Variants in PDE4D observed in about 807,000 individuals in gnomAD.
The protein encoded by PDE4D is 3',5'-cyclic-AMP phosphodiesterase 4D.
Under a neutral mutation model 87.4 loss-of-function variants are expected in PDE4D, and 24 were observed. The ratio of observed to expected loss-of-function variants is 0.27; its 90% CI spans 0.20 to 0.39. The LOEUF is 0.39. PDE4D is among the 10% of genes least tolerant of loss of function. The pLI, the probability that PDE4D is intolerant of heterozygous loss-of-function variation, is 1.00. For missense variants in PDE4D, 714 were observed against 1,041.0 expected (o/e 0.69, Z 4.32); for synonymous variants, 384 against 383.2 (o/e 1.00, Z -0.02).
intron 1 of PDE4D, among the ~76,000 whole-genome samples, chr5:59,423,813 A>AC (rs900649598): frequency 7.6e-5 from 10 of 132,144 alleles, no homozygotes; most frequent in African/African-American, 2.6e-4. Context: ...TGGGAATGTA[A>AC]CCTTTTTTTT....
At chr5:59,422,494 T>G (rs1242147629) in intron 1 of PDE4D, among the ~76,000 whole-genome samples, 1 of 152,200 alleles carries the variant, frequency 6.6e-6, no homozygotes, top group Admixed American at 6.5e-5. Context: ...CGCCACTTCA[T>G]TTATCATAGT....
At chr5:59,663,255 C>G (rs578066981) in intron 1 of PDE4D, among the ~76,000 whole-genome samples, 1 of 152,142 alleles carries the variant, frequency 6.6e-6, no homozygotes, top group African/African-American at 2.4e-5. Context: ...ACCTCTGCCT[C>G]CTGGGTTCAT....
At chr5:60,017,143 T>C (rs1765601640) in intron 2 of PDE4D, among the ~76,000 whole-genome samples, 1 of 152,224 alleles carries the variant, frequency 6.6e-6, no homozygotes, top group Non-Finnish European at 1.5e-5. Context: ...TGAGCAGTAA[T>C]ATTTTGAAAT....
rs1449480982 is a variant in PDE4D, at chr5:59,053,659, TTG to T, written c.809-14690_809-14689del. Among the ~76,000 whole-genome samples, 4 of 65,114 alleles carry T rather than the reference TTG, an allele frequency of 6.1e-5. 1 individual carries two copies. The East Asian group carries it at 1.2e-3, about 20-fold the overall frequency. 42.7% of individuals were successfully genotyped at this position (65,114 alleles called of 152,430 possible). A position where few individuals can be genotyped will look rare whatever the true frequency, so the allele number is the denominator to read the frequency against. On this transcript the variant is annotated intron_variant, in intron 5 of 14. Coordinates refer to ENST00000340635, the MANE Select transcript of PDE4D (RefSeq NM_001104631.2). ...TTTTGTTTTTTGTTTTTTTTTGTTGTTGTTTTTTTTTTTTGGCCAGGCACGGT... is the reference window on the plus strand; with the variant it reads ...TTTTGTTTTTTGTTTTTTTTTGTTGTTTTTTTTTTTTTGGCCAGGCACGGT...
intron 2 of PDE4D, among the ~76,000 whole-genome samples, chr5:60,013,056 G>A (rs565085507): frequency 9.9e-5 from 15 of 152,258 alleles, no homozygotes; most frequent in Admixed American, 9.2e-4. Flanking sequence ...TCTTGCCTGT[G>A]TCCCTGATTT....
At chr5:59,015,004 C>G (rs1223732269) in intron 6 of PDE4D, among the ~76,000 whole-genome samples, 1 of 152,040 alleles carries the variant, frequency 6.6e-6, no homozygotes, top group Non-Finnish European at 1.5e-5. Flanking sequence ...ACAAACCTGA[C>G]AAAAACAAGA....
chr5:59,492,843 T>C (rs374345022), intron 1 of PDE4D, among the ~76,000 whole-genome samples: 9 of 152,284 alleles, frequency 5.9e-5, no homozygotes, highest in African/African-American at 2.2e-4. Flanking sequence ...TCACAAGATC[T>C]GATGGTTTTA....
chr5:59,275,539 T>C (rs1405338789), intron 1 of PDE4D: 2 of 1,453,876 alleles, frequency 1.4e-6, no homozygotes, highest in East Asian at 5.0e-5. Context: ...TTTCCTGGAG[T>C]CCATCTCCTG....
chr5:59,446,065 A>C (rs1289522334), intron 1 of PDE4D, among the ~76,000 whole-genome samples: 1 of 152,182 alleles, frequency 6.6e-6, no homozygotes, highest in Non-Finnish European at 1.5e-5. Context: ...ATTGTTTAAG[A>C]AAGCGTAATG....
intron 1 of PDE4D, among the ~76,000 whole-genome samples, chr5:60,253,424 C>A (rs1748695141): frequency 6.6e-6 from 1 of 151,840 alleles, no homozygotes; most frequent in Admixed American, 6.6e-5. Flanking sequence ...TGTTTTCCTA[C>A]AGAACAGGCC....
chr5:59,969,948 CAT>C (rs1325299401), intron 3 of PDE4D, among the ~76,000 whole-genome samples: 1 of 152,182 alleles, frequency 6.6e-6, no homozygotes, highest in Admixed American at 6.5e-5. Flanking sequence ...GTACTTCACA[CAT>C]GTATGCACAC....
rs140569430 is a variant in PDE4D, at chr5:59,192,074, C to A, written c.684+1426G>T. 2.3e-3 allele frequency among the ~76,000 whole-genome samples: 348 copies of A among 152,044 alleles called. 1 individual carries two copies. Among genetic ancestry groups the A allele is most frequent in the African/African-American group, 8.0e-3 (330 of 41,478 alleles). On this transcript the variant is annotated intron_variant, in intron 3 of 14. Transcript: ENST00000340635. ...GGTGATTGTATTTTATTTTTAATTGCCTGCATTAATTTAAAAAGTTACTAT... is the reference window on the plus strand; with the variant it reads ...GGTGATTGTATTTTATTTTTAATTGACTGCATTAATTTAAAAAGTTACTAT...
At chr5:59,199,931 CATAT>C (rs1014854532) in intron 2 of PDE4D, among the ~76,000 whole-genome samples, 3 of 151,552 alleles carry the variant, frequency 2.0e-5, no homozygotes, top group East Asian at 3.9e-4. Flanking sequence ...CACACAGGCA[CATAT>C]ATACATATAT....
At chr5:59,935,962 G>A (rs1756523484) in intron 3 of PDE4D, among the ~76,000 whole-genome samples, 1 of 152,116 alleles carries the variant, frequency 6.6e-6, no homozygotes, top group African/African-American at 2.4e-5. Context: ...AATCCTTTGG[G>A]TATATACCCA....
intron 1 of PDE4D, among the ~76,000 whole-genome samples, chr5:60,408,228 T>C (rs1741741194): frequency 6.6e-6 from 1 of 152,206 alleles, no homozygotes; most frequent in Non-Finnish European, 1.5e-5. Flanking sequence ...TGTAGCTTCC[T>C]GCGTGAGCAT....
chr5:60,308,869 C>T (rs1200180350), intron 1 of PDE4D, among the ~76,000 whole-genome samples: 1 of 152,100 alleles, frequency 6.6e-6, no homozygotes, highest in Non-Finnish European at 1.5e-5. Context: ...AAACTTGCCC[C>T]CCGCCCACCA....
rs140210875 is a variant in PDE4D at position 59,286,829 on chromosome 5, A to G, written c.456-70861T>C. ...ATGTGATCAAACAAGTAACTTTTGG[A>G]AAAAATGCATTTTTACTTTACTATG... On this transcript the variant is annotated intron_variant, in intron 1 of 14. Coordinates refer to ENST00000340635, the MANE Select transcript of PDE4D (RefSeq NM_001104631.2). 6.6e-3 allele frequency among the ~76,000 whole-genome samples: 1,001 copies of G among 152,324 alleles called. 13 individuals are homozygous for G. The highest frequency in any genetic ancestry group is 0.023 in the African/African-American group (950 of 41,572).
At chr5:60,110,492 GA>G (rs527942902) in intron 2 of PDE4D, among the ~76,000 whole-genome samples, 32 of 152,048 alleles carry the variant, frequency 2.1e-4, no homozygotes, top group African/African-American at 6.7e-4. Context: ...TTATGAAAAA[GA>G]AAAAATAACA....
At chr5:59,592,256 A>G in intron 1 of PDE4D, 1 of 506,750 alleles carries the variant, frequency 2.0e-6, no homozygotes, top group Non-Finnish European at 2.5e-6. Context: ...ATGACTTTCC[A>G]CTCCTGGCAA....
Sources: gnomAD v4.1 joint callset for allele counts (sites outside exome capture counted in the v4.1 genomes callset) on GRCh38, gnomAD v4.1.1 for gene constraint, MANE v1.5 for transcripts, NCBI Gene and HGNC (gene_info 2026-07-23, HGNC 2026-07-21) for gene names.